KCNMA1: variants seen among roughly 807,000 people sequenced by gnomAD.
KCNMA1 encodes Calcium-activated potassium channel subunit alpha-1.
A neutral mutation model predicts 140.0 loss-of-function variants in KCNMA1; 29 were observed. That is an observed-to-expected ratio of 0.21 (90% confidence interval 0.15 to 0.28). KCNMA1 has a LOEUF of 0.28. KCNMA1 is among the 10% of genes least tolerant of loss of function. KCNMA1 has a pLI of 1.00. For missense variants in KCNMA1, 880 were observed against 1,602.2 expected, an observed-to-expected ratio of 0.55 and a Z score of 7.70; for synonymous variants, 612 against 611.9, an observed-to-expected ratio of 1.00 and a Z score of 0.00.
intron 2 of KCNMA1, among the ~76,000 whole-genome samples, chr10:77,374,818 C>G (rs558483532): frequency 6.6e-6 from 1 of 152,180 alleles, no homozygotes. Context: ...CCCCATGACC[C>G]CTAGGACTGA....
At chr10:77,147,128 T>G (rs568615815) in intron 5 of KCNMA1, among the ~76,000 whole-genome samples, 3 of 152,320 alleles carry the variant, frequency 2.0e-5, no homozygotes, top group Non-Finnish European at 4.4e-5. Flanking sequence ...GACAAGTGAG[T>G]AATCTGATGT....
At chr10:77,225,778 T>G (rs2051168449) in intron 3 of KCNMA1, among the ~76,000 whole-genome samples, 1 of 152,190 alleles carries the variant, frequency 6.6e-6, no homozygotes, top group Admixed American at 6.5e-5. Context: ...ACATGCCGAA[T>G]GGAGGAGCGT....
intron 2 of KCNMA1, among the ~76,000 whole-genome samples, chr10:77,290,677 G>T (rs1340750189): frequency 6.6e-6 from 1 of 152,190 alleles, no homozygotes; most frequent in Non-Finnish European, 1.5e-5. Context: ...GAAGGCTGAA[G>T]AAATTCTGAT....
chr10:77,293,698 C>A (rs547575047), intron 2 of KCNMA1, among the ~76,000 whole-genome samples: 1 of 152,240 alleles, frequency 6.6e-6, no homozygotes, highest in Non-Finnish European at 1.5e-5. Flanking sequence ...CCTCTGCTTT[C>A]CAGCTCTTTC....
intron 2 of KCNMA1, among the ~76,000 whole-genome samples, chr10:77,267,957 G>T (rs528855274): frequency 6.6e-6 from 1 of 152,166 alleles, no homozygotes; most frequent in Non-Finnish European, 1.5e-5. Context: ...AAGAATAGAC[G>T]CTTCTTGACA....
intron 1 of KCNMA1, among the ~76,000 whole-genome samples, chr10:77,555,980 G>T (rs747814372): frequency 6.6e-6 from 1 of 152,200 alleles, no homozygotes; most frequent in Non-Finnish European, 1.5e-5. Context: ...ATTGCAAAAT[G>T]TGGGTTTTCA....
intron 1 of KCNMA1, among the ~76,000 whole-genome samples, chr10:77,513,024 T>C (rs528982923): frequency 1.3e-5 from 2 of 152,124 alleles, no homozygotes; most frequent in African/African-American, 4.8e-5. Context: ...CCTAAATTCC[T>C]CCAATATGTC....
At chr10:77,051,973 T>G (rs898105140) in intron 14 of KCNMA1, among the ~76,000 whole-genome samples, 1 of 152,218 alleles carries the variant, frequency 6.6e-6, no homozygotes, top group African/African-American at 2.4e-5. Flanking sequence ...GTTTGTACCT[T>G]GTAGACAGTC....
chr10:77,456,457 T>A (rs565342143), intron 1 of KCNMA1, among the ~76,000 whole-genome samples: 1 of 152,326 alleles, frequency 6.6e-6, no homozygotes, highest in South Asian at 2.1e-4. Flanking sequence ...ATGACCTTGT[T>A]GCTGCATTTG....
intron 15 of KCNMA1, among the ~76,000 whole-genome samples, chr10:77,028,522 CCTT>C (rs1476542978): frequency 1.3e-5 from 2 of 152,036 alleles, no homozygotes; most frequent in African/African-American, 4.8e-5. Context: ...ACTCTCGATC[CCTT>C]CTTCTCTCTT....
At chr10:77,291,062 T>C (rs2073066836) in intron 2 of KCNMA1, among the ~76,000 whole-genome samples, 1 of 152,164 alleles carries the variant, frequency 6.6e-6, no homozygotes, top group Non-Finnish European at 1.5e-5. Context: ...CACACACATA[T>C]GCCCCACGCT....
chr10:77,193,209 T>A (rs1030670974), intron 3 of KCNMA1, among the ~76,000 whole-genome samples: 3 of 152,198 alleles, frequency 2.0e-5, no homozygotes, highest in South Asian at 2.1e-4. Context: ...TTTGGAATGA[T>A]GTCCAAGACA....
intron 1 of KCNMA1, among the ~76,000 whole-genome samples, chr10:77,607,205 C>A (rs1675081679): frequency 6.6e-6 from 1 of 152,156 alleles, no homozygotes; most frequent in Admixed American, 6.5e-5. Context: ...CACTTAGGAG[C>A]AATAAAGGAA....
chr10:77,383,677 TC>T (rs2095505573), intron 2 of KCNMA1, among the ~76,000 whole-genome samples: 1 of 152,146 alleles, frequency 6.6e-6, no homozygotes, highest in South Asian at 2.1e-4. Flanking sequence ...TTTTTTACAG[TC>T]TTTTTTTGTA....
At chr10:76,993,273 G>A (rs2083284509) in intron 19 of KCNMA1, among the ~76,000 whole-genome samples, 1 of 152,206 alleles carries the variant, frequency 6.6e-6, no homozygotes, top group Admixed American at 6.5e-5. Context: ...TTAGGAAAAG[G>A]AAACAGAAGC....
intron 5 of KCNMA1, among the ~76,000 whole-genome samples, chr10:77,145,450 C>T (rs1187868609): frequency 6.6e-6 from 1 of 152,186 alleles, no homozygotes; most frequent in Non-Finnish European, 1.5e-5. Context: ...AAACTGTATC[C>T]TCATTTTGCA....
At chr10:76,991,793 G>C (rs1002581647) in intron 19 of KCNMA1, among the ~76,000 whole-genome samples, 11 of 152,166 alleles carry the variant, frequency 7.2e-5, no homozygotes, top group African/African-American at 2.4e-4. Flanking sequence ...TCTTGACTGA[G>C]TGTGATCCAA....
intron 11 of KCNMA1, among the ~76,000 whole-genome samples, chr10:77,085,655 A>T (rs1389321914): frequency 6.6e-6 from 1 of 152,146 alleles, no homozygotes; most frequent in Non-Finnish European, 1.5e-5. Context: ...TATGTCACAA[A>T]TCATCTCTGA....
intron 14 of KCNMA1, among the ~76,000 whole-genome samples, chr10:77,049,766 G>A (rs1043258491): frequency 6.6e-6 from 1 of 152,108 alleles, no homozygotes; most frequent in African/African-American, 2.4e-5. Context: ...AATCAATTCT[G>A]CTTCTGAGCA....
Sources: gnomAD v4.1 joint callset for allele counts (sites outside exome capture counted in the v4.1 genomes callset) on GRCh38, gnomAD v4.1.1 for gene constraint, MANE v1.5 for transcripts, NCBI Gene and HGNC (gene_info 2026-07-23, HGNC 2026-07-21) for gene names.